Variants in IFTAP observed in about 807,000 individuals in gnomAD.
The protein encoded by IFTAP is intraflagellar transport-associated protein.
IFTAP carries 19 observed loss-of-function variants against 19.4 expected under a neutral mutation model. The ratio of observed to expected loss-of-function variants is 0.98; its 90% confidence interval spans 0.68 to 1.44. The LOEUF is 1.44. Ranked by LOEUF, IFTAP falls within the 40% of genes most tolerant of loss-of-function variation. The pLI is 0.00. For missense variants in IFTAP, 240 were observed against 253.6 expected (o/e 0.95, Z 0.36); for synonymous variants, 85 against 83.5 (o/e 1.02, Z -0.10).
In IFTAP at chr11:36,652,835, C is replaced by T. The variant is rs540690211; in HGVS notation, c.498+4680C>T. Among the ~76,000 whole-genome samples, 82 of 152,124 alleles carry T rather than the reference C, an allele frequency of 5.4e-4. 2 individuals carry two copies. In the Middle Eastern group the frequency reaches 0.01, roughly 19 times the overall value. ...TCATGATTTTACCACTGGTTCTACA[C>T]ACATACATAATTGTATATAGAATTA... On this transcript the variant is annotated intron_variant, in intron 5 of 5. Coordinates refer to ENST00000334307, the MANE Select transcript of IFTAP (RefSeq NM_138787.4).
chr11:36,630,404 A>G (rs1009888461), intron 2 of IFTAP, among the ~76,000 whole-genome samples: 1 of 151,382 alleles, frequency 6.6e-6, no homozygotes, highest in African/African-American at 2.5e-5. Context: ...GTTCTTTTCT[A>G]CATCATCCAG....
intron 5 of IFTAP, among the ~76,000 whole-genome samples, chr11:36,648,658 C>A (rs967985980): frequency 6.6e-6 from 1 of 152,060 alleles, no homozygotes; most frequent in African/African-American, 2.4e-5. Context: ...CATCAGGGAC[C>A]CAGGTTCCTT....
chr11:36,621,646 C>A, intron 2 of IFTAP, among the ~76,000 whole-genome samples: 1 of 151,968 alleles, frequency 6.6e-6, no homozygotes, highest in Non-Finnish European at 1.5e-5. Flanking sequence ...TAGTGTCAAT[C>A]CAGGTCTTCT....
chr11:36,635,181 G>C (rs1402417541), intron 3 of IFTAP, among the ~76,000 whole-genome samples: 1 of 152,180 alleles, frequency 6.6e-6, no homozygotes, highest in Non-Finnish European at 1.5e-5. Flanking sequence ...ATTATGAAAT[G>C]TAAATTTGTA....
intron 5 of IFTAP, among the ~76,000 whole-genome samples, chr11:36,649,493 CA>C (rs1853619423): frequency 6.6e-6 from 1 of 151,974 alleles, no homozygotes; most frequent in Admixed American, 6.6e-5. Context: ...GTTATTGGAC[CA>C]GCCAGTAGAC....
chr11:36,610,306 TG>T, intron 2 of IFTAP, 67 bp downstream of exon 2: 1 of 1,398,534 alleles, frequency 7.2e-7, no homozygotes, highest in Admixed American at 2.2e-5. Context: ...TGTATGTTTT[TG>T]CTGCCTCTTG....
chr11:36,645,739 A>AT (rs983221034), intron 4 of IFTAP, among the ~76,000 whole-genome samples: 1 of 151,894 alleles, frequency 6.6e-6, no homozygotes, highest in Non-Finnish European at 1.5e-5. Context: ...GAGCCATTCA[A>AT]TTTTTTCTTG....
At chr11:36,611,531 G>A (rs1189133046) in intron 2 of IFTAP, among the ~76,000 whole-genome samples, 1 of 152,064 alleles carries the variant, frequency 6.6e-6, no homozygotes, top group Non-Finnish European at 1.5e-5. Flanking sequence ...TAAAACAAGA[G>A]TAGTAGTTAT....
intron 4 of IFTAP, 38 bp from the exon 5 acceptor site, chr11:36,647,978 T>C (rs1265462986): frequency 6.3e-7 from 1 of 1,598,356 alleles, no homozygotes. Flanking sequence ...ATTGTGAACT[T>C]TGCGAAAGGC....
chr11:36,652,992 C>T (rs914928069), intron 5 of IFTAP, among the ~76,000 whole-genome samples: 6 of 151,878 alleles, frequency 4.0e-5, no homozygotes, highest in Admixed American at 3.9e-4. Flanking sequence ...TTTGTGATAC[C>T]CACCCTCTCC....
At chr11:36,623,112 A>G (rs1412603360) in intron 2 of IFTAP, among the ~76,000 whole-genome samples, 7 of 152,134 alleles carry the variant, frequency 4.6e-5, no homozygotes, top group Non-Finnish European at 7.4e-5. Context: ...TACCTTATGT[A>G]CAAATCACCT....
rs551533204 is a variant in IFTAP, at chr11:36,603,891, G to A, written c.-23-6190G>A. ...GAGTAGAGATTGCTCCACTGCACTC[G>A]AGCCTGGGTGACAAGAGCAAAACTC... is the stretch of plus-strand genomic sequence containing the variant. On this transcript the variant is annotated intron_variant, in intron 1 of 5. Transcript: ENST00000334307. Among the ~76,000 whole-genome samples, 4 of 150,128 alleles carry A rather than the reference G, an allele frequency of 2.7e-5. No homozygotes were observed. In the South Asian group the frequency reaches 6.3e-4, roughly 24 times the overall value.
chr11:36,637,573 C>A (rs1229421723), intron 4 of IFTAP, among the ~76,000 whole-genome samples: 2 of 152,084 alleles, frequency 1.3e-5, no homozygotes, highest in African/African-American at 2.4e-5. Context: ...GTTAAAAATG[C>A]AGATTTCTGG....
intron 5 of IFTAP, 167 bp downstream of exon 5, chr11:36,648,322 T>G (rs763083957): frequency 1.3e-4 from 109 of 818,248 alleles, no homozygotes; most frequent in Middle Eastern, 4.8e-4. Context: ...TGCATACATT[T>G]CTTTTTAAAC....
At chr11:36,635,920 A>G in intron 3 of IFTAP, 131 bp from the exon 4 acceptor site, 1 of 681,444 alleles carries the variant, frequency 1.5e-6, no homozygotes, top group South Asian at 1.6e-5. Context: ...TTGAGCTGGG[A>G]CTCAAGAGTT....
chr11:36,605,280 G>A, intron 1 of IFTAP, among the ~76,000 whole-genome samples: 2 of 77,094 alleles, frequency 2.6e-5, no homozygotes, highest in South Asian at 4.1e-4. Context: ...CCTCCCCCCT[G>A]CCCCCCCACT....
intron 1 of IFTAP, among the ~76,000 whole-genome samples, chr11:36,600,295 G>T (rs1851459341): frequency 1.3e-5 from 2 of 152,240 alleles, no homozygotes; most frequent in South Asian, 4.1e-4. Flanking sequence ...CAATCCCTGA[G>T]CCACGGACAG....
intron 1 of IFTAP, among the ~76,000 whole-genome samples, chr11:36,601,428 A>T (rs1364807078): frequency 2.0e-5 from 3 of 152,174 alleles, no homozygotes; most frequent in Non-Finnish European, 2.9e-5. Flanking sequence ...TATTTAAAGC[A>T]ATTAGTTAGA....
chr11:36,598,816 A>G (rs1387234771), intron 1 of IFTAP, among the ~76,000 whole-genome samples: 1 of 152,112 alleles, frequency 6.6e-6, no homozygotes, highest in Non-Finnish European at 1.5e-5. Flanking sequence ...TTTCAGGTAG[A>G]GTCATCTTAA....
Sources: gnomAD v4.1 joint callset for allele counts (sites outside exome capture counted in the v4.1 genomes callset) on GRCh38, gnomAD v4.1.1 for gene constraint, MANE v1.5 for transcripts, NCBI Gene and HGNC (gene_info 2026-07-23, HGNC 2026-07-21) for gene names.